DNAH17: variants seen among roughly 807,000 people sequenced by gnomAD.
DNAH17 encodes the protein dynein axonemal heavy chain 17.
Under a neutral mutation model 485.6 loss-of-function variants are expected in DNAH17, and 376 were observed. The observed-to-expected ratio is 0.77, with a 90% CI of 0.71 to 0.84. DNAH17 has a LOEUF of 0.84. Ranked by LOEUF, DNAH17 falls within the 40% of genes least tolerant of loss-of-function variation. DNAH17 has a pLI of 0.00. For synonymous variants in DNAH17, 3,031 were observed against 2,405.9 expected, an observed-to-expected ratio of 1.26 and a Z score of -7.60; for missense variants, 6,370 against 5,839.3, an observed-to-expected ratio of 1.09 and a Z score of -2.96.
chr17:78,458,862 C>A, intron 61 of DNAH17, 139 bp downstream of exon 61: 1 of 1,099,898 alleles, frequency 9.1e-7, no homozygotes, highest in Non-Finnish European at 1.3e-6. Flanking sequence ...CTGGCCCCTG[C>A]CTCTGCCTGC....
At chr17:78,560,979 G>T (rs1468073550) in intron 12 of DNAH17, 44 bp from the exon 13 acceptor site, 7 of 1,515,496 alleles carry the variant, frequency 4.6e-6, no homozygotes, top group Non-Finnish European at 6.2e-6. Flanking sequence ...GATATCTCCT[G>T]TGGGGTGTCT....
chr17:78,502,636 C>CA lies in DNAH17; in HGVS notation c.5144dup (p.Glu1716GlyfsTer5). 2 of 1,613,160 alleles carry CA rather than the reference C, an allele frequency of 1.2e-6. No individual in the cohort carries two copies. Among genetic ancestry groups the CA allele is most frequent in the Non-Finnish European group, 1.7e-6 (2 of 1,179,874 alleles). On this transcript the variant is annotated frameshift_variant, in exon 33 of 81. Coordinates refer to ENST00000389840, the MANE Select transcript of DNAH17 (RefSeq NM_173628.4). LOFTEE classifies it high-confidence loss of function. ...TGATAGCGTTTTCATAGCCTTCCTC[C>CA]AGCCTGGCAAATGCCAGGCCCACCT...
intron 25 of DNAH17, among the ~76,000 whole-genome samples, chr17:78,517,565 G>A (rs1329788654): frequency 6.6e-6 from 1 of 152,188 alleles, no homozygotes; most frequent in African/African-American, 2.4e-5. Flanking sequence ...GAGGCCACAT[G>A]GCAGCCTACA....
chr17:78,539,958 T>C (rs1598673695), intron 17 of DNAH17, 78 bp from the exon 18 acceptor site: 11 of 1,392,728 alleles, frequency 7.9e-6, no homozygotes, highest in Non-Finnish European at 1.0e-5. Flanking sequence ...AGTGCCTCTC[T>C]GGACCGCCCG....
At chr17:78,480,643 A>T in intron 49 of DNAH17, 41 bp downstream of exon 49, 1 of 1,552,364 alleles carries the variant, frequency 6.4e-7, no homozygotes, top group South Asian at 1.1e-5. Context: ...CAAGCCTCAG[A>T]CTCATGGCAG....
chr17:78,425,756 C>T (rs377388547), intron 79 of DNAH17, among the ~76,000 whole-genome samples, 185 bp from the exon 80 acceptor site: 48 of 120,740 alleles, frequency 4.0e-4, no homozygotes, highest in African/African-American at 1.7e-3. Flanking sequence ...TTGGTGTCTG[C>T]TTTTTTTTTT....
intron 68 of DNAH17, chr17:78,449,912 G>A (rs1368979211): frequency 9.2e-6 from 4 of 434,344 alleles, no homozygotes; most frequent in Admixed American, 3.6e-5. Flanking sequence ...CTGACCTCAG[G>A]TGATCCACCC....
Position 78,428,049 on chromosome 17 carries a change from C to G in DNAH17, c.12588+476G>C, listed in dbSNP as rs1013759511. 4.0e-4 allele frequency among the ~76,000 whole-genome samples: 61 copies of G among 151,436 alleles called. 1 individual carries two copies. Among genetic ancestry groups the G allele is most frequent in the Non-Finnish European group, 6.0e-4 (41 of 67,896 alleles). Reference sequence around the variant, plus strand: ...GACAAGCGAGAATTTGTTCAGAACACTGGCATCCCCTGAACTCTTCTAATC... The same window carrying G: ...GACAAGCGAGAATTTGTTCAGAACAGTGGCATCCCCTGAACTCTTCTAATC... On this transcript the variant is annotated intron_variant, in intron 77 of 80. Coordinates refer to ENST00000389840, the MANE Select transcript of DNAH17 (RefSeq NM_173628.4).
At chr17:78,560,070 C>G (rs115560060) in intron 13 of DNAH17, among the ~76,000 whole-genome samples, 1 of 152,100 alleles carries the variant, frequency 6.6e-6, no homozygotes, top group Non-Finnish European at 1.5e-5. Flanking sequence ...CCATATCATA[C>G]ACTTGACTCC....
At chr17:78,450,475 C>T in intron 67 of DNAH17, 81 bp from the exon 68 acceptor site, 1 of 1,558,296 alleles carries the variant, frequency 6.4e-7, no homozygotes, top group African/African-American at 1.3e-5. Context: ...CAGCCACCAG[C>T]CTCGCTCCCT....
At chr17:78,510,040 G>C (rs539854953) in intron 27 of DNAH17, among the ~76,000 whole-genome samples, 63 of 152,222 alleles carry the variant, frequency 4.1e-4, no homozygotes, top group Non-Finnish European at 7.6e-4. Context: ...AAATTAGCTG[G>C]GCGTGGTGGT....
At chr17:78,505,763 G>A (rs377561644) in intron 30 of DNAH17, among the ~76,000 whole-genome samples, 2 of 152,116 alleles carry the variant, frequency 1.3e-5, no homozygotes, top group South Asian at 2.1e-4. Flanking sequence ...TGGATCACCC[G>A]AGGTCAGGAG....
In DNAH17 at chr17:78,462,835, C is replaced by G. The variant is rs374286032; in HGVS notation, c.9174+9G>C. 116 of 1,613,672 alleles carry G rather than the reference C, an allele frequency of 7.2e-5. No individual in the cohort carries two copies. The highest frequency in any genetic ancestry group is 9.2e-5 in the Non-Finnish European group (109 of 1,179,816). ...GCACAGGAGCTGGCAGCCAGCCCCCCTCTCCTACCTGGGAAGCCGTGCTCT... is the reference window on the plus strand; with the variant it reads ...GCACAGGAGCTGGCAGCCAGCCCCCGTCTCCTACCTGGGAAGCCGTGCTCT... On this transcript the variant is annotated intron_variant, in intron 57 of 80. Transcript: ENST00000389840.
intron 37 of DNAH17, among the ~76,000 whole-genome samples, chr17:78,497,648 T>C (rs927513025): frequency 6.6e-6 from 1 of 152,222 alleles, no homozygotes; most frequent in Non-Finnish European, 1.5e-5. Flanking sequence ...CCCATTCTCT[T>C]GGTCATGGGG....
intron 75 of DNAH17, 95 bp from the exon 76 acceptor site, chr17:78,429,395 A>C: frequency 5.9e-6 from 8 of 1,363,850 alleles, no homozygotes; most frequent in Non-Finnish European, 8.0e-6. Context: ...GTGGGAACCC[A>C]GCCATTGGTG....
chr17:78,491,918 TCAG>T (rs1448093815), intron 42 of DNAH17, among the ~76,000 whole-genome samples: 5 of 152,134 alleles, frequency 3.3e-5, no homozygotes, highest in Non-Finnish European at 7.3e-5. Context: ...ACTCACACGC[TCAG>T]CAGAAGTCTG....
Position 78,425,536 on chromosome 17 carries a change from GGGCAGGGCAAA to G in DNAH17, c.12940_12950del (p.Phe4314HisfsTer76). 6.2e-7 allele frequency: 1 copy of G among 1,613,486 alleles called. No individual in the cohort carries two copies. Among genetic ancestry groups the G allele is most frequent in the Non-Finnish European group, 8.5e-7 (1 of 1,179,718 alleles). ...AGAAGCCGGCCAGCCACACGGTGGT[GGGCAGGGCAAA>G]GTCTGTCGTCCAGGCCTCGAGTTCC... On this transcript the variant is annotated frameshift_variant, in exon 80 of 81. Transcript: ENST00000389840. LOFTEE classifies it high-confidence loss of function.
intron 48 of DNAH17, among the ~76,000 whole-genome samples, chr17:78,484,229 C>T (rs2089483250): frequency 6.6e-6 from 1 of 151,988 alleles, no homozygotes; most frequent in African/African-American, 2.4e-5. Context: ...TGTCCCGAGG[C>T]CCTGGGATTC....
chr17:78,502,505 G>A (rs1333772987), intron 33 of DNAH17, 86 bp downstream of exon 33: 4 of 1,278,044 alleles, frequency 3.1e-6, no homozygotes, highest in Middle Eastern at 1.9e-4. Context: ...TACTCGCCCG[G>A]CAGGTTTCAG....
Sources: gnomAD v4.1 joint callset for allele counts (sites outside exome capture counted in the v4.1 genomes callset) on GRCh38, gnomAD v4.1.1 for gene constraint, MANE v1.5 for transcripts, NCBI Gene and HGNC (gene_info 2026-07-23, HGNC 2026-07-21) for gene names.